The following SLC9A3 variants were observed in gnomAD, a reference collection of about 807,000 sequenced individuals.
The protein encoded by SLC9A3 is solute carrier family 9 member A3, also known as sodium/hydrogen exchanger 3.
SLC9A3 carries 37 observed loss-of-function variants against 86.8 expected under a neutral mutation model. The observed-to-expected ratio is 0.43, with a 90% CI of 0.33 to 0.56. The LOEUF (loss-of-function observed/expected upper bound fraction) is 0.56. Among genes scored for constraint, SLC9A3 ranks in the 20% least tolerant of loss-of-function variants. The pLI is 0.06. For synonymous variants in SLC9A3, 581 were observed against 528.3 expected (o/e 1.10, Z -1.37); for missense variants, 1,011 against 1,171.9 (o/e 0.86, Z 2.00).
At position 475,130 on chromosome 5, in the gene SLC9A3, T is replaced by C. The variant is rs1228018863; in HGVS notation, c.2254A>G (p.Ile752Val). 1 of 1,580,472 alleles carries C rather than the reference T, an allele frequency of 6.3e-7. No individual in the cohort carries two copies. Among genetic ancestry groups the C allele is most frequent in the Non-Finnish European group, 8.6e-7 (1 of 1,160,990 alleles). ...TCCGGAGAAAACACAGGGTTGTCAA[T>C]TCCTAGGAGAGAGGGCAGCGGCTAG... The part of the protein sequence containing the change: ...KDTASDSPAG[I>V]DNPVFSPDEA... Residue 752 changes from isoleucine to valine, a missense_variant and splice_region_variant, in exon 16 of 17, where the codon ATT becomes GTT. By Grantham distance (29) the Ile-to-Val change is conservative. This residue lies in a region of SLC9A3 where 397 missense variants were observed against 346.3 expected (regional missense o/e 1.15). Transcript: ENST00000264938.
chr5:485,193 T>C lies in SLC9A3; in HGVS notation c.714A>G (p.Gly238=). 1 of 1,613,894 alleles carries C rather than the reference T, an allele frequency of 6.2e-7. No individual in the cohort carries two copies. The highest frequency in any genetic ancestry group is 1.1e-5 in the South Asian group (1 of 91,082). Residue 238 remains glycine (G), a synonymous_variant, in exon 4 of 17, where the codon GGA becomes GGG. Transcript: ENST00000264938. ...YNVFESFVAL[G]GDNVTGVDCV... ...AGTCCACGCCAGTCACGTTGTCACC[T>C]CCCAGCGCCACGAAAGATTCAAACA...
At position 472,793 on chromosome 5, in the gene SLC9A3, C is replaced by T; in HGVS notation, c.*586G>A. 1 of 580,708 alleles carries T rather than the reference C, an allele frequency of 1.7e-6. No homozygotes were observed. The highest frequency in any genetic ancestry group is 1.5e-5 in the South Asian group (1 of 65,556). 36.0% of individuals were successfully genotyped at this position (580,708 alleles called of 1,614,324 possible). The stretch of plus-strand genomic sequence containing the variant: ...CCCTGAGTCCTGGCGCTCGGGAGGT[C>T]CCTGAGTCGGTCCCCGAGTCAGTCC... On this transcript the variant is annotated 3_prime_UTR_variant, in exon 17 of 17. Transcript: ENST00000264938.
intron 1 of SLC9A3, among the ~76,000 whole-genome samples, chr5:510,359 C>T (rs115714992): frequency 0.021 from 3,252 of 152,310 alleles, 55 homozygotes; most frequent in Non-Finnish European, 0.033. Context: ...CGAGAGCCGC[C>T]GGCAGCACGC....
chr5:516,988 C>T (rs1475165883), intron 1 of SLC9A3, among the ~76,000 whole-genome samples: 1 of 152,126 alleles, frequency 6.6e-6, no homozygotes, highest in Non-Finnish European at 1.5e-5. Context: ...CAATGTTTAT[C>T]CCTCCACTCC....
At chr5:473,839 C>T (rs1346375915) in intron 16 of SLC9A3, among the ~76,000 whole-genome samples, 1 of 152,222 alleles carries the variant, frequency 6.6e-6, no homozygotes, top group East Asian at 1.9e-4. Context: ...GGGGCCGGCC[C>T]TCCCTGTATC....
chr5:511,554 T>C (rs13359721), intron 1 of SLC9A3, among the ~76,000 whole-genome samples: 13,877 of 152,214 alleles, frequency 0.091, 714 homozygotes, highest in African/African-American at 0.12. Context: ...CGACAGCCCA[T>C]GTCATGGCGG....
chr5:479,537 C>T (rs1189971608), intron 10 of SLC9A3: 2 of 368,042 alleles, frequency 5.4e-6, no homozygotes, highest in Admixed American at 4.2e-5. Context: ...AACAGCCTGC[C>T]TGCTTACCGT....
At chr5:522,960 A>G (rs1209067947) in intron 1 of SLC9A3, among the ~76,000 whole-genome samples, 1 of 151,662 alleles carries the variant, frequency 6.6e-6, no homozygotes, top group Non-Finnish European at 1.5e-5. Flanking sequence ...CCAAGCCCCC[A>G]GTGGAAAGCC....
At chr5:475,420 G>A (rs1738659796) in intron 15 of SLC9A3, 141 bp downstream of exon 15, 1 of 632,332 alleles carries the variant, frequency 1.6e-6, no homozygotes, top group Non-Finnish European at 2.8e-6. Flanking sequence ...GCACTCAGTG[G>A]GTGCCAAGCA....
chr5:483,557 C>T, intron 5 of SLC9A3, 75 bp from the exon 6 acceptor site: 1 of 1,063,368 alleles, frequency 9.4e-7, no homozygotes, highest in Admixed American at 2.1e-5. Flanking sequence ...CCCAGCCCCC[C>T]ACGGCCTGGC....
Position 474,914 on chromosome 5 carries a change from G to T in SLC9A3, c.2470C>A (p.Pro824Thr), listed in dbSNP as rs577890614. The change falls in exon 16 of 17, where the codon CCC (proline) becomes ACC (threonine). Residue 824 changes from proline to threonine, a missense_variant. Coordinates refer to ENST00000264938, the MANE Select transcript of SLC9A3 (RefSeq NM_004174.4). ...GTGGACTCGGGGAGGGCGGCGGGGG[G>T]CCGCTCCTCGGGGCCGTCTGCCTGC... ...FLQADGPEER[P>T]PAALPESTHM 1.9e-6 allele frequency: 3 copies of T among 1,594,462 alleles called. No homozygotes were observed. The African/African-American group carries it at 4.0e-5, about 21-fold the overall frequency.
Position 471,648 on chromosome 5 carries a change from G to A in SLC9A3, c.*1731C>T. 2.5e-6 allele frequency: 1 copy of A among 405,680 alleles called. No individual in the cohort carries two copies. 25.1% of individuals were successfully genotyped at this position (405,680 alleles called of 1,614,324 possible). A position where few individuals can be genotyped will look rare whatever the true frequency, so the allele number is the denominator to read the frequency against. On this transcript the variant is annotated 3_prime_UTR_variant, in exon 17 of 17. Coordinates refer to ENST00000264938, the MANE Select transcript of SLC9A3 (RefSeq NM_004174.4). ...GACTGGGCAGGGCTTGCTGCATAGA[G>A]GATGGCTGCATTTTGTGCTCAGAGT...
intron 1 of SLC9A3, among the ~76,000 whole-genome samples, chr5:504,285 C>A (rs1469968574): frequency 6.6e-6 from 1 of 152,182 alleles, no homozygotes; most frequent in Non-Finnish European, 1.5e-5. Context: ...GTTCTTGCAG[C>A]CCCCGCGTCC....
chr5:520,015 C>T (rs1360622623), intron 1 of SLC9A3, among the ~76,000 whole-genome samples: 3 of 152,194 alleles, frequency 2.0e-5, no homozygotes, highest in Non-Finnish European at 2.9e-5. Flanking sequence ...CCATCACATC[C>T]CTCAGCAACA....
chr5:490,744 G>A (rs1284614950), intron 2 of SLC9A3, among the ~76,000 whole-genome samples: 5 of 152,198 alleles, frequency 3.3e-5, no homozygotes, highest in Non-Finnish European at 5.9e-5. Flanking sequence ...TAGGGCGGCT[G>A]CCCCATCCGA....
chr5:498,906 C>G (rs576122171), intron 1 of SLC9A3, among the ~76,000 whole-genome samples: 2 of 152,180 alleles, frequency 1.3e-5, no homozygotes, highest in Non-Finnish European at 1.5e-5. Flanking sequence ...CCTCTGGTAT[C>G]GGATGGCAGT....
In SLC9A3 at chr5:515,351, G is replaced by A. The variant is rs1045291504; in HGVS notation, c.211+8761C>T. Among the ~76,000 whole-genome samples the A allele has an allele frequency of 6.6e-5, 10 of 151,702 alleles. No homozygotes were observed. In the East Asian group the frequency reaches 7.8e-4, roughly 12 times the overall value. ...AGGCCCCTGTGGACGGTGCACACAC[G>A]GGAACCCCTTGGGCACCCTGGCTGC... On this transcript the variant is annotated intron_variant, in intron 1 of 16. Coordinates refer to ENST00000264938, the MANE Select transcript of SLC9A3 (RefSeq NM_004174.4).
At chr5:484,993 G>A (rs552869749) in intron 4 of SLC9A3, among the ~76,000 whole-genome samples, 160 bp downstream of exon 4, 4 of 152,360 alleles carry the variant, frequency 2.6e-5, no homozygotes, top group East Asian at 3.9e-4. Context: ...ATGTCAAATC[G>A]TGTGTGAATC....
chr5:518,848 G>T (rs778039072), intron 1 of SLC9A3, among the ~76,000 whole-genome samples: 3 of 152,146 alleles, frequency 2.0e-5, no homozygotes, highest in South Asian at 4.1e-4. Context: ...GGGCTGGGGG[G>T]GCTGGCGGCC....
Sources: allele counts gnomAD v4.1 joint callset (sites outside exome capture counted in the v4.1 genomes callset), GRCh38; gene constraint gnomAD v4.1.1; regional missense constraint gnomAD v4.1.1; transcripts MANE v1.5; gene names NCBI Gene and HGNC (gene_info 2026-07-23, HGNC 2026-07-21).